SOX6: variants seen among roughly 807,000 people sequenced by gnomAD.
The protein encoded by SOX6 is SRY-box transcription factor 6.
Under a neutral mutation model 97.8 loss-of-function variants are expected in SOX6, and 11 were observed. The observed-to-expected ratio is 0.11, with a 90% CI of 0.07 to 0.19. SOX6 has a LOEUF of 0.19. Among genes scored for constraint, SOX6 ranks in the 10% least tolerant of loss-of-function variants. The probability of loss-of-function intolerance (pLI) is 1.00; values close to 1 mark genes in which losing one functional copy is unlikely to be tolerated. For synonymous variants in SOX6, 360 were observed against 371.4 expected, an observed-to-expected ratio of 0.97 and a Z score of 0.35; for missense variants, 810 against 1,039.5, an observed-to-expected ratio of 0.78 and a Z score of 3.04.
intron 4 of SOX6, among the ~76,000 whole-genome samples, chr11:16,553,249 C>CTCAG (rs2133186303): frequency 6.6e-6 from 1 of 152,308 alleles, no homozygotes; most frequent in East Asian, 1.9e-4. Flanking sequence ...TTGAACGGTA[C>CTCAG]TGCTCCTTGC....
intron 4 of SOX6, among the ~76,000 whole-genome samples, chr11:16,231,574 T>A (rs1852852203): frequency 6.6e-6 from 1 of 151,806 alleles, no homozygotes; most frequent in African/African-American, 2.4e-5. Flanking sequence ...ACTGGCAATA[T>A]GAATCAAAAG....
In SOX6 at chr11:16,302,572, T is replaced by TC. The variant is rs1554955199; in HGVS notation, c.445+15873_445+15874insG. On this transcript the variant is annotated intron_variant, in intron 3 of 15. Transcript: ENST00000683767. Reference sequence around the variant, plus strand: ...CATTTTTTTTTCTTTTTTTCTTTTTTTTTTTTTTTTTTTTTTGAGAGGCAG... The same window carrying TC: ...CATTTTTTTTTCTTTTTTTCTTTTTTCTTTTTTTTTTTTTTTTGAGAGGCAG... Among the ~76,000 whole-genome samples the TC allele has an allele frequency of 1.0e-4, 14 of 138,584 alleles. No homozygotes were observed. In the East Asian group the frequency reaches 1.2e-3, roughly 12 times the overall value. The allele number at this position is 138,584 out of a possible 152,430, so 90.9% of individuals were successfully genotyped here. A position where few individuals can be genotyped will look rare whatever the true frequency, so the allele number is the denominator to read the frequency against.
intron 2 of SOX6, among the ~76,000 whole-genome samples, chr11:16,725,308 G>A (rs982670746): frequency 3.9e-5 from 6 of 152,100 alleles, no homozygotes; most frequent in African/African-American, 1.4e-4. Context: ...TGGACCCCTC[G>A]AACCCAGGAG....
At chr11:16,520,106 T>C (rs1861034994) in intron 4 of SOX6, among the ~76,000 whole-genome samples, 1 of 152,222 alleles carries the variant, frequency 6.6e-6, no homozygotes, top group Non-Finnish European at 1.5e-5. Context: ...TGTTTTTTGT[T>C]AGATGCATAC....
chr11:16,401,565 C>G (rs1858558809), intron 1 of SOX6, among the ~76,000 whole-genome samples: 1 of 151,416 alleles, frequency 6.6e-6, no homozygotes, highest in Non-Finnish European at 1.5e-5. Context: ...TGGTCTACCT[C>G]TAATTAGTCA....
At chr11:16,559,262 A>G (rs1847782975) in intron 4 of SOX6, among the ~76,000 whole-genome samples, 1 of 152,156 alleles carries the variant, frequency 6.6e-6, no homozygotes, top group African/African-American at 2.4e-5. Flanking sequence ...ACATCACAAA[A>G]GGAAGATGAT....
chr11:16,296,497 G>A (rs1855094283), intron 3 of SOX6, among the ~76,000 whole-genome samples: 1 of 152,256 alleles, frequency 6.6e-6, no homozygotes, highest in South Asian at 2.1e-4. Flanking sequence ...CAGAATTTGA[G>A]ACACTAGAAG....
chr11:16,046,392 CAGCCCTCA>C (rs1365881045), intron 12 of SOX6, 114 bp downstream of exon 12: 7 of 981,994 alleles, frequency 7.1e-6, no homozygotes, highest in Non-Finnish European at 1.1e-5. Context: ...AAGTACAAGA[CAGCCCTCA>C]AGCTGGAAGC....
intron 4 of SOX6, among the ~76,000 whole-genome samples, chr11:16,500,092 C>T (rs1860677162): frequency 1.3e-5 from 2 of 152,174 alleles, no homozygotes; most frequent in African/African-American, 2.4e-5. Flanking sequence ...TCCAGCAGCA[C>T]ATCAAAAAGC....
intron 3 of SOX6, among the ~76,000 whole-genome samples, chr11:16,295,420 T>G (rs556189664): frequency 6.6e-6 from 1 of 152,142 alleles, no homozygotes; most frequent in Non-Finnish European, 1.5e-5. Flanking sequence ...TTATAGCAGT[T>G]TGATGAAGAA....
chr11:16,464,692 T>A (rs1859995071), intron 1 of SOX6, among the ~76,000 whole-genome samples: 1 of 152,174 alleles, frequency 6.6e-6, no homozygotes, highest in Non-Finnish European at 1.5e-5. Context: ...GAGAACTTTC[T>A]AAAGGTCTCC....
intron 6 of SOX6, among the ~76,000 whole-genome samples, chr11:16,162,382 C>T (rs1850773330): frequency 6.6e-6 from 1 of 152,080 alleles, no homozygotes; most frequent in Non-Finnish European, 1.5e-5. Flanking sequence ...GATATTTGTC[C>T]CCACCCAAAT....
intron 1 of SOX6, among the ~76,000 whole-genome samples, chr11:16,414,380 T>C (rs1275475618): frequency 6.6e-6 from 1 of 152,028 alleles, no homozygotes; most frequent in Non-Finnish European, 1.5e-5. Context: ...GCAGCACATA[T>C]AAGAAAAGCT....
At position 16,449,277 on chromosome 11, in the gene SOX6, C is replaced by CTTTTTTTTTT. The variant is rs10611823; in HGVS notation, c.-5+27028_-5+27037dup. 2.3e-3 allele frequency among the ~76,000 whole-genome samples: 147 copies of CTTTTTTTTTT among 62,940 alleles called. 29 individuals are homozygous for CTTTTTTTTTT. Among genetic ancestry groups the CTTTTTTTTTT allele is most frequent in the African/African-American group, 9.4e-3 (131 of 13,964 alleles). 41.3% of individuals were successfully genotyped at this position (62,940 alleles called of 152,430 possible). ...AGTGTAAAATTATAAAATGCTCCTT[C>CTTTTTTTTTT]TTTTTTTTTTTTTTTTTTTTTTTTT... On this transcript the variant is annotated intron_variant, in intron 1 of 15. Transcript: ENST00000396356.
intron 4 of SOX6, among the ~76,000 whole-genome samples, chr11:16,535,158 A>G (rs1261244040): frequency 1.3e-5 from 2 of 152,188 alleles, no homozygotes; most frequent in African/African-American, 4.8e-5. Context: ...TCTTTCTAAG[A>G]ATGGATATGC....
chr11:15,997,314 A>G (rs78822130), intron 13 of SOX6, among the ~76,000 whole-genome samples: 1 of 152,176 alleles, frequency 6.6e-6, no homozygotes, highest in Admixed American at 6.5e-5. Flanking sequence ...TAAGGAAAAT[A>G]AGAATAATAT....
chr11:16,202,193 CTT>C (rs1315818423), intron 4 of SOX6, among the ~76,000 whole-genome samples: 1 of 152,060 alleles, frequency 6.6e-6, no homozygotes, highest in African/African-American at 2.4e-5. Flanking sequence ...ATGTTCAACT[CTT>C]ATACGATGAA....
At chr11:16,327,262 A>G (rs1216245829) in intron 2 of SOX6, among the ~76,000 whole-genome samples, 1 of 152,202 alleles carries the variant, frequency 6.6e-6, no homozygotes, top group Admixed American at 6.5e-5. Context: ...TCATGTATAA[A>G]GCACTTAGTA....
intron 1 of SOX6, among the ~76,000 whole-genome samples, chr11:16,425,270 T>C (rs1223893059): frequency 6.6e-6 from 1 of 152,218 alleles, no homozygotes; most frequent in Non-Finnish European, 1.5e-5. Context: ...GTTAAGAACA[T>C]GGACTCTGGA....
Sources: gnomAD v4.1 joint callset for allele counts (sites outside exome capture counted in the v4.1 genomes callset) on GRCh38, gnomAD v4.1.1 for gene constraint, MANE v1.5 for transcripts, NCBI Gene and HGNC (gene_info 2026-07-23, HGNC 2026-07-21) for gene names.